LRRC4C: variants seen among roughly 807,000 people sequenced by gnomAD.
LRRC4C encodes leucine rich repeat containing 4C.
A neutral mutation model predicts 33.6 loss-of-function variants in LRRC4C; 5 were observed. The observed-to-expected ratio is 0.15, with a 90% CI of 0.08 to 0.31. The LOEUF (loss-of-function observed/expected upper bound fraction) is 0.31. Among genes scored for constraint, LRRC4C ranks in the 10% least tolerant of loss-of-function variants. The pLI, the probability that LRRC4C is intolerant of heterozygous loss-of-function variation, is 1.00. For missense variants in LRRC4C, 560 were observed against 796.7 expected (o/e 0.70, Z 3.58); for synonymous variants, 329 against 302.0 (o/e 1.09, Z -0.93).
At chr11:40,754,863 C>T (rs2137019542) in intron 2 of LRRC4C, among the ~76,000 whole-genome samples, 1 of 151,940 alleles carries the variant, frequency 6.6e-6, no homozygotes, top group African/African-American at 2.4e-5. Flanking sequence ...TTTTCATATT[C>T]ATCAATATTG....
chr11:40,794,924 C>T (rs1388884182), intron 2 of LRRC4C, among the ~76,000 whole-genome samples: 1 of 152,154 alleles, frequency 6.6e-6, no homozygotes, highest in African/African-American at 2.4e-5. Flanking sequence ...ATATTGAGTG[C>T]TTCTAATTAA....
intron 1 of LRRC4C, among the ~76,000 whole-genome samples, chr11:40,961,065 T>C (rs865848096): frequency 2.0e-5 from 3 of 151,812 alleles, no homozygotes; most frequent in Middle Eastern, 3.4e-3. Context: ...AACCTGCCTT[T>C]TCACAAGGCC....
chr11:40,277,334 A>C (rs1943181132), intron 4 of LRRC4C, among the ~76,000 whole-genome samples: 1 of 152,140 alleles, frequency 6.6e-6, no homozygotes, highest in Admixed American at 6.6e-5. Flanking sequence ...ATATATTTAA[A>C]ATAAGTGATG....
intron 2 of LRRC4C, among the ~76,000 whole-genome samples, chr11:40,753,800 A>T (rs1948811434): frequency 6.6e-6 from 1 of 152,070 alleles, no homozygotes. Context: ...ATTCTCCAAA[A>T]ACACATTCAA....
intron 5 of LRRC4C, among the ~76,000 whole-genome samples, chr11:40,164,080 C>CA (rs1431884634): frequency 6.6e-6 from 1 of 152,052 alleles, no homozygotes; most frequent in East Asian, 1.9e-4. Context: ...GGTCATGTGT[C>CA]AAAGAACTCT....
At chr11:40,167,055 G>A (rs181516735) in intron 5 of LRRC4C, among the ~76,000 whole-genome samples, 1 of 152,234 alleles carries the variant, frequency 6.6e-6, no homozygotes, top group Non-Finnish European at 1.5e-5. Context: ...GGGAATCCCG[G>A]AGTACAATTA....
At position 41,227,131 on chromosome 11, in the gene LRRC4C, T is replaced by C. The variant is rs193137258; in HGVS notation, c.-496+232300A>G. On this transcript the variant is annotated intron_variant, in intron 1 of 6. Coordinates refer to ENST00000528697, the MANE Select transcript of LRRC4C (RefSeq NM_001258419.2). ...GACACCTCCTTCCCCTTTTGAAAAA[T>C]GTTTCTCTCTTTTGGTTTCATGTTG... Among the ~76,000 whole-genome samples the C allele has an allele frequency of 3.0e-3, 452 of 152,108 alleles. 2 individuals carry two copies. Among genetic ancestry groups the C allele is most frequent in the African/African-American group, 0.01 (419 of 41,500 alleles).
intron 1 of LRRC4C, among the ~76,000 whole-genome samples, chr11:41,134,072 A>C (rs1943144645): frequency 6.6e-6 from 1 of 152,138 alleles, no homozygotes; most frequent in African/African-American, 2.4e-5. Flanking sequence ...ATATTGGCTC[A>C]GAATAAATTG....
chr11:41,219,237 A>G (rs1480469514), intron 1 of LRRC4C, among the ~76,000 whole-genome samples: 1 of 150,828 alleles, frequency 6.6e-6, no homozygotes, highest in Non-Finnish European at 1.5e-5. Context: ...ACTCCCAACA[A>G]AATTACAAAA....
chr11:40,462,078 G>A (rs1952424813), intron 3 of LRRC4C, among the ~76,000 whole-genome samples: 1 of 151,884 alleles, frequency 6.6e-6, no homozygotes, highest in African/African-American at 2.4e-5. Flanking sequence ...TCAATATAGT[G>A]TATTTTCAGT....
chr11:41,216,064 T>C (rs1300026278), intron 1 of LRRC4C, among the ~76,000 whole-genome samples: 1 of 152,228 alleles, frequency 6.6e-6, no homozygotes, highest in Admixed American at 6.5e-5. Flanking sequence ...ACACTGTAAC[T>C]GTGAAGGCTA....
chr11:40,641,373 T>A (rs1483706252), intron 3 of LRRC4C, among the ~76,000 whole-genome samples: 2 of 152,170 alleles, frequency 1.3e-5, no homozygotes, highest in African/African-American at 4.8e-5. Context: ...TAAATTTAAG[T>A]GTAAAGTAAA....
chr11:40,581,645 T>C (rs536818765), intron 3 of LRRC4C, among the ~76,000 whole-genome samples: 1 of 152,326 alleles, frequency 6.6e-6, no homozygotes, highest in South Asian at 2.1e-4. Context: ...GGCTCATGCC[T>C]GTAATCCCAG....
intron 4 of LRRC4C, among the ~76,000 whole-genome samples, chr11:40,287,003 T>A (rs1439026211): frequency 6.6e-6 from 1 of 152,148 alleles, no homozygotes; most frequent in Non-Finnish European, 1.5e-5. Flanking sequence ...TAATTATATA[T>A]TTTTAATTTT....
intron 5 of LRRC4C, among the ~76,000 whole-genome samples, chr11:40,200,313 G>T (rs755365517): frequency 6.6e-6 from 1 of 151,226 alleles, no homozygotes; most frequent in East Asian, 1.9e-4. Flanking sequence ...GCAGTGAGCC[G>T]AGATCGCGCC....
At chr11:40,441,418 G>A (rs1364738102) in intron 3 of LRRC4C, among the ~76,000 whole-genome samples, 2 of 152,156 alleles carry the variant, frequency 1.3e-5, no homozygotes, top group South Asian at 2.1e-4. Flanking sequence ...TGTTTAGTAC[G>A]ATTCGCTGTA....
intron 1 of LRRC4C, among the ~76,000 whole-genome samples, chr11:41,253,110 G>A (rs924974950): frequency 3.3e-5 from 5 of 152,092 alleles, no homozygotes; most frequent in African/African-American, 1.2e-4. Context: ...GTTGGTGAGT[G>A]CAATATTCCC....
intron 1 of LRRC4C, among the ~76,000 whole-genome samples, chr11:41,370,034 G>A (rs147588094): frequency 0.015 from 2,352 of 152,218 alleles, 28 homozygotes; most frequent in Middle Eastern, 0.065. Flanking sequence ...ATTTCTGGAT[G>A]CAAGTCACTA....
At chr11:40,840,390 C>A (rs1385898682) in intron 2 of LRRC4C, among the ~76,000 whole-genome samples, 1 of 152,094 alleles carries the variant, frequency 6.6e-6, no homozygotes, top group Admixed American at 6.6e-5. Context: ...TTTCAACATC[C>A]CCTCCTTTAA....
Sources: allele counts gnomAD v4.1 joint callset (sites outside exome capture counted in the v4.1 genomes callset), GRCh38; gene constraint gnomAD v4.1.1; transcripts MANE v1.5; gene names NCBI Gene and HGNC (gene_info 2026-07-23, HGNC 2026-07-21).